Variants in CYP20A1 observed in about 807,000 individuals in gnomAD.
CYP20A1 encodes the protein cytochrome P450 20A1.
In CYP20A1, 61 loss-of-function variants were observed where a neutral mutation model predicts 61.4. That is an observed-to-expected ratio of 0.99 (90% CI 0.81 to 1.23). The LOEUF (loss-of-function observed/expected upper bound fraction) is 1.23, where lower values mean the gene tolerates loss of function less well. Ranked by LOEUF, CYP20A1 falls within the 50% of genes most tolerant of loss-of-function variation. The probability of loss-of-function intolerance (pLI) is 0.00; values close to 1 mark genes in which losing one functional copy is unlikely to be tolerated. For synonymous variants in CYP20A1, 193 were observed against 188.2 expected, an observed-to-expected ratio of 1.03 and a Z score of -0.21; for missense variants, 530 against 542.4, an observed-to-expected ratio of 0.98 and a Z score of 0.23.
Position 203,285,712 on chromosome 2 carries a change from A to G in CYP20A1, c.951A>G (p.Pro317=). ...NQVFGNGPVT[P]EKIEQLRYCQ... ...TTTTTGGAAATGGTCCTGTTACTCCAGAGAAAATTGAGCAGCTCAGGTAAG... is the reference window on the plus strand; with the variant it reads ...TTTTTGGAAATGGTCCTGTTACTCCGGAGAAAATTGAGCAGCTCAGGTAAG... The change falls in exon 9 of 13, where the codon CCA becomes CCG. Residue 317 remains proline, a synonymous_variant. Transcript: ENST00000356079. The G allele has an allele frequency of 6.3e-7, 1 of 1,595,064 alleles. No individual in the cohort carries two copies. Among genetic ancestry groups the G allele is most frequent in the Non-Finnish European group, 8.5e-7 (1 of 1,175,944 alleles).
At chr2:203,270,967 A>G (rs2067542392) in intron 5 of CYP20A1, among the ~76,000 whole-genome samples, 2 of 138,850 alleles carry the variant, frequency 1.4e-5, no homozygotes, top group Admixed American at 1.5e-4. Context: ...TGCTGGGATT[A>G]TGGGTGTGAG....
At chr2:203,290,238 G>A (rs1052514293) in intron 10 of CYP20A1, among the ~76,000 whole-genome samples, 3 of 152,100 alleles carry the variant, frequency 2.0e-5, no homozygotes, top group Non-Finnish European at 4.4e-5. Context: ...ACTGCACCCA[G>A]CCTGGTGTGT....
chr2:203,282,935 C>T (rs1201699187), intron 8 of CYP20A1, among the ~76,000 whole-genome samples: 1 of 152,098 alleles, frequency 6.6e-6, no homozygotes, highest in East Asian at 1.9e-4. Context: ...TATTTTCAGT[C>T]ATCATTTTTA....
At chr2:203,270,434 C>T (rs1227056544) in intron 5 of CYP20A1, among the ~76,000 whole-genome samples, 2 of 152,088 alleles carry the variant, frequency 1.3e-5, no homozygotes, top group African/African-American at 2.4e-5. Flanking sequence ...TGACCTCAGC[C>T]TCCCAAATAG....
intron 6 of CYP20A1, among the ~76,000 whole-genome samples, chr2:203,275,346 T>G (rs1344145302): frequency 1.3e-5 from 2 of 152,182 alleles, no homozygotes; most frequent in African/African-American, 2.4e-5. Context: ...TTTACTGTTG[T>G]TTGAAAAAAC....
chr2:203,282,370 T>C (rs1338506442), intron 8 of CYP20A1, among the ~76,000 whole-genome samples: 1 of 152,044 alleles, frequency 6.6e-6, no homozygotes, highest in Non-Finnish European at 1.5e-5. Flanking sequence ...GGTCCAGTGG[T>C]GCACACTTGT....
rs548495603 is a variant in CYP20A1, at chr2:203,261,704, C to T, written c.433-4810C>T. On this transcript the variant is annotated intron_variant, in intron 4 of 12. Transcript: ENST00000356079. ...CTAAAAAGACTCCTCTTCCTCAGGA[C>T]TCAGATTCAGGCTTCTTGGAGGAGC... 2.8e-4 allele frequency among the ~76,000 whole-genome samples: 42 copies of T among 150,326 alleles called. No homozygotes were observed. In the East Asian group the frequency reaches 5.8e-3, roughly 21 times the overall value.
In CYP20A1 at chr2:203,305,775, G is replaced by A. The variant is rs1055763936; in HGVS notation, c.*8867G>A. 3.9e-5 allele frequency among the ~76,000 whole-genome samples: 6 copies of A among 152,290 alleles called. No individual in the cohort carries two copies. The highest frequency in any genetic ancestry group is 2.1e-4 in the South Asian group (1 of 4,830). On this transcript the variant is annotated 3_prime_UTR_variant, in exon 13 of 13. Coordinates refer to ENST00000356079, the MANE Select transcript of CYP20A1 (RefSeq NM_177538.3). ...AAAGGCAACCAGTAAATATTTTTGAGTAAATGAATGAAATCTTTATTGCCG... is the reference window on the plus strand; with the variant it reads ...AAAGGCAACCAGTAAATATTTTTGAATAAATGAATGAAATCTTTATTGCCG...
rs1281738138 is a variant in CYP20A1 at position 203,252,012 on chromosome 2, C to A, written c.335C>A (p.Ser112Tyr). The change falls in exon 4 of 13, where the codon TCT becomes TAT. Residue 112 changes from serine (S) to tyrosine (Y), a missense_variant. Physicochemically the swap from Ser to Tyr is moderately radical, Grantham distance 144. Coordinates refer to ENST00000356079, the MANE Select transcript of CYP20A1 (RefSeq NM_177538.3). The stretch of plus-strand genomic sequence containing the variant: ...CTGAAGTCATTATTAAGGTATCAAT[C>A]TGGTGGTGGCAGTGTGAGTGAAAAC... ...TMLKSLLRYQ[S>Y]GGGSVSENHM... 4.3e-6 allele frequency: 7 copies of A among 1,609,396 alleles called. No individual in the cohort carries two copies. The highest frequency in any genetic ancestry group is 5.9e-6 in the Non-Finnish European group (7 of 1,177,694).
At chr2:203,289,324 T>C (rs1180266515) in intron 9 of CYP20A1, among the ~76,000 whole-genome samples, 1 of 152,174 alleles carries the variant, frequency 6.6e-6, no homozygotes, top group African/African-American at 2.4e-5. Flanking sequence ...GAAAGATATA[T>C]TTACTGAAAA....
At chr2:203,251,084 AAG>A (rs1491484921) in intron 3 of CYP20A1, among the ~76,000 whole-genome samples, 4 of 148,112 alleles carry the variant, frequency 2.7e-5, no homozygotes, top group African/African-American at 7.5e-5. Context: ...AAAAAAAAAA[AAG>A]AGATGATAAC....
At chr2:203,278,541 T>C in intron 6 of CYP20A1, 32 bp from the exon 7 acceptor site, 1 of 1,072,572 alleles carries the variant, frequency 9.3e-7, no homozygotes, top group Non-Finnish European at 1.4e-6. Context: ...CTAATGCTTG[T>C]ATTCTAAAAT....
chr2:203,302,048 C>G lies in CYP20A1; in HGVS notation c.*5140C>G, dbSNP rs1315701522. Reference sequence around the variant, plus strand: ...TCAAGTGATCCTCCCGCCTCAGCCTCCCAAGTAGCTGGGATTGCAAACATG... The same window carrying G: ...TCAAGTGATCCTCCCGCCTCAGCCTGCCAAGTAGCTGGGATTGCAAACATG... On this transcript the variant is annotated 3_prime_UTR_variant, in exon 13 of 13. Coordinates refer to ENST00000356079, the MANE Select transcript of CYP20A1 (RefSeq NM_177538.3). Among the ~76,000 whole-genome samples, 2 of 151,728 alleles carry G rather than the reference C, an allele frequency of 1.3e-5. No individual in the cohort carries two copies. Among genetic ancestry groups the G allele is most frequent in the Non-Finnish European group, 2.9e-5 (2 of 67,980 alleles).
intron 1 of CYP20A1, among the ~76,000 whole-genome samples, chr2:203,244,698 A>G (rs1034888237): frequency 6.6e-6 from 1 of 151,634 alleles, no homozygotes; most frequent in African/African-American, 2.4e-5. Flanking sequence ...AGTTTAACTG[A>G]CAGAGGAAGA....
chr2:203,287,576 T>C (rs950126912), intron 9 of CYP20A1, among the ~76,000 whole-genome samples: 12 of 152,078 alleles, frequency 7.9e-5, no homozygotes, highest in Non-Finnish European at 1.2e-4. Flanking sequence ...CATAAAGGCA[T>C]GTGCCTATGG....
intron 6 of CYP20A1, among the ~76,000 whole-genome samples, chr2:203,275,356 C>T (rs2067771077): frequency 6.6e-6 from 1 of 152,158 alleles, no homozygotes; most frequent in Admixed American, 6.6e-5. Flanking sequence ...TTTGAAAAAA[C>T]TTCTCAGGTG....
chr2:203,268,445 A>G (rs1175774355), intron 5 of CYP20A1, among the ~76,000 whole-genome samples: 2 of 152,196 alleles, frequency 1.3e-5, no homozygotes, highest in African/African-American at 2.4e-5. Context: ...TTTGTAGACT[A>G]TCCCTCAATT....
rs1357831134 is a variant in CYP20A1 at position 203,304,563 on chromosome 2, A to G, written c.*7655A>G. ...TAAACACATTTCTGTGACTGTTTAT[A>G]TTTTTCCCTGTTCCACATACATACA... On this transcript the variant is annotated 3_prime_UTR_variant, in exon 13 of 13. Transcript: ENST00000356079. Among the ~76,000 whole-genome samples, 1 of 152,068 alleles carries G rather than the reference A, an allele frequency of 6.6e-6. No individual in the cohort carries two copies. The highest frequency in any genetic ancestry group is 1.5e-5 in the Non-Finnish European group (1 of 68,026).
intron 4 of CYP20A1, among the ~76,000 whole-genome samples, chr2:203,264,106 G>A (rs991081613): frequency 2.0e-5 from 3 of 151,970 alleles, no homozygotes; most frequent in African/African-American, 7.3e-5. Flanking sequence ...GGACTCAAGC[G>A]ATCCTCCCAA....
Sources: allele counts gnomAD v4.1 joint callset (sites outside exome capture counted in the v4.1 genomes callset), GRCh38; gene constraint gnomAD v4.1.1; transcripts MANE v1.5; gene names NCBI Gene and HGNC (gene_info 2026-07-23, HGNC 2026-07-21).